Variants in RPRD2 observed in about 807,000 individuals in gnomAD.
The protein encoded by RPRD2 is regulation of nuclear pre-mRNA domain-containing protein 2.
In RPRD2, 12 loss-of-function variants were observed where a neutral mutation model predicts 104.4. The observed-to-expected ratio is 0.11, with a 90% confidence interval of 0.07 to 0.19. The LOEUF is 0.19. Among genes scored for constraint, RPRD2 ranks in the 10% least tolerant of loss-of-function variants. The pLI is 1.00. For missense variants in RPRD2, 1,543 were observed against 1,790.1 expected, an observed-to-expected ratio of 0.86 and a Z score of 2.49; for synonymous variants, 714 against 684.9, an observed-to-expected ratio of 1.04 and a Z score of -0.66.
In RPRD2 at chr1:150,471,785, G is replaced by A; in HGVS notation, c.2837G>A (p.Ser946Asn). The change falls in exon 11 of 11, where the codon AGC becomes AAC. Residue 946 changes from serine to asparagine, a missense_variant. Coordinates refer to ENST00000369068, the MANE Select transcript of RPRD2 (RefSeq NM_015203.5). This position sits in a 1 kb window ranked among gnomAD's most constrained non-coding sequence, Gnocchi z 5.3. ...TTCACCCCTGACTCCAACCACAATA[G>A]CTTGTCTCAATCTACCACTGGGCAT... ...SFFTPDSNHN[S>N]LSQSTTGHLS... 2 of 1,613,890 alleles carry A rather than the reference G, an allele frequency of 1.2e-6. No individual in the cohort carries two copies. The highest frequency in any genetic ancestry group is 1.7e-6 in the Non-Finnish European group (2 of 1,179,888).
intron 2 of RPRD2, among the ~76,000 whole-genome samples, chr1:150,435,676 T>A (rs1391005882): frequency 6.6e-6 from 1 of 152,198 alleles, no homozygotes; most frequent in East Asian, 1.9e-4. Flanking sequence ...GGAAATAGGT[T>A]CATGAGATTT....
chr1:150,415,347 AATTAAT>A (rs1553888374), intron 1 of RPRD2, among the ~76,000 whole-genome samples: 1 of 151,282 alleles, frequency 6.6e-6, no homozygotes, highest in Non-Finnish European at 1.5e-5. Flanking sequence ...TAATAATAAT[AATTAAT>A]AAGTAAATAC....
intron 7 of RPRD2, among the ~76,000 whole-genome samples, chr1:150,452,157 AAAGAGAG>A (rs1464791688): frequency 1.6e-4 from 22 of 141,842 alleles, no homozygotes; most frequent in African/African-American, 5.4e-4. Flanking sequence ...AAAAAAAAAA[AAAGAGAG>A]AGAGAGAAAC....
intron 1 of RPRD2, among the ~76,000 whole-genome samples, chr1:150,384,495 G>GTTATT (rs1560155022): frequency 0.011 from 1,508 of 131,358 alleles, 26 homozygotes; most frequent in African/African-American, 0.039. Context: ...TTATTATTAG[G>GTTATT]GATGGAGCTC....
chr1:150,381,063 C>A (rs2102130336), intron 1 of RPRD2, among the ~76,000 whole-genome samples: 1 of 152,204 alleles, frequency 6.6e-6, no homozygotes, highest in Non-Finnish European at 1.5e-5. Flanking sequence ...AAACTGCTAA[C>A]AACAGATTAT....
chr1:150,436,256 ATTC>A (rs1665983646), intron 2 of RPRD2, among the ~76,000 whole-genome samples: 1 of 152,188 alleles, frequency 6.6e-6, no homozygotes, highest in South Asian at 2.1e-4. Flanking sequence ...CACAACATTT[ATTC>A]TGCCCATGGT....
Position 150,457,581 on chromosome 1 carries a change from A to T in RPRD2, c.1153+11A>T, listed in dbSNP as rs782203579. ...GGTCAAAAATCATTGGTATGTCTTTATGTGATTAATAGACAACTTATTCCT... is the reference window on the plus strand; with the variant it reads ...GGTCAAAAATCATTGGTATGTCTTTTTGTGATTAATAGACAACTTATTCCT... On this transcript the variant is annotated intron_variant, in intron 8 of 10. Coordinates refer to ENST00000369068, the MANE Select transcript of RPRD2 (RefSeq NM_015203.5). 7 of 1,609,840 alleles carry T rather than the reference A, an allele frequency of 4.3e-6. No homozygotes were observed. The highest frequency in any genetic ancestry group is 1.7e-5 in the Admixed American group (1 of 59,952).
chr1:150,435,068 T>C (rs1458389659), intron 2 of RPRD2, among the ~76,000 whole-genome samples: 2 of 152,182 alleles, frequency 1.3e-5, no homozygotes, highest in Non-Finnish European at 2.9e-5. Context: ...TTTGGTAATA[T>C]TTGCAACATT....
At chr1:150,379,603 T>C (rs1660981628) in intron 1 of RPRD2, among the ~76,000 whole-genome samples, 1 of 152,128 alleles carries the variant, frequency 6.6e-6, no homozygotes, top group Non-Finnish European at 1.5e-5. Context: ...GGTTTCTCCA[T>C]GTTGGTCAGG....
chr1:150,373,809 T>C (rs935078728), intron 1 of RPRD2, among the ~76,000 whole-genome samples: 2 of 152,172 alleles, frequency 1.3e-5, no homozygotes, highest in African/African-American at 4.8e-5. Context: ...GGATTGTTTT[T>C]AGAGCCAGGA....
At chr1:150,406,418 T>A (rs1013415343) in intron 1 of RPRD2, among the ~76,000 whole-genome samples, 6 of 152,148 alleles carry the variant, frequency 3.9e-5, no homozygotes, top group Non-Finnish European at 7.4e-5. Flanking sequence ...GTAAAAAAAT[T>A]TTTTTGAGAC....
rs1277300589 is a variant in RPRD2, at chr1:150,396,942, T to TAA, written c.206-20652_206-20651dup. Among the ~76,000 whole-genome samples the TAA allele has an allele frequency of 2.6e-5, 4 of 152,280 alleles. No homozygotes were observed. The South Asian group carries it at 8.3e-4, about 32-fold the overall frequency. ...AATAATGATTACCATAATAAATATA[T>TAA]AAATTCAGCATTATTAAAATTAAAA... is the stretch of plus-strand genomic sequence containing the variant. On this transcript the variant is annotated intron_variant, in intron 1 of 10. Coordinates refer to ENST00000369068, the MANE Select transcript of RPRD2 (RefSeq NM_015203.5).
Position 150,470,923 on chromosome 1 carries a change from C to A in RPRD2, c.1975C>A (p.Leu659Met). Reference sequence around the variant, plus strand: ...ATCTTCAGAGGTCTCCAAGCCAAAGCTGGAGTCAGAGTCCACCTCCCCAAG... The same window carrying A: ...ATCTTCAGAGGTCTCCAAGCCAAAGATGGAGTCAGAGTCCACCTCCCCAAG... ...CQSSEVSKPKLESESTSPSLE... is the reference protein window; with the variant it reads ...CQSSEVSKPKMESESTSPSLE... Residue 659 changes from leucine (L) to methionine (M), a missense_variant, in exon 11 of 11, where the codon CTG becomes ATG. Leu to Met is a conservative substitution (Grantham distance 15). Transcript: ENST00000369068. The A allele has an allele frequency of 6.2e-7, 1 of 1,614,024 alleles. No homozygotes were observed. The highest frequency in any genetic ancestry group is 8.5e-7 in the Non-Finnish European group (1 of 1,179,896).
At chr1:150,464,448 C>G (rs927949650) in intron 9 of RPRD2, 79 bp from the exon 10 acceptor site, 7 of 959,800 alleles carry the variant, frequency 7.3e-6, no homozygotes, top group Non-Finnish European at 9.0e-6. Flanking sequence ...ATATATCAAA[C>G]TCATTGAAGT....
intron 1 of RPRD2, among the ~76,000 whole-genome samples, chr1:150,391,195 C>T (rs1662038390): frequency 6.6e-6 from 1 of 152,152 alleles, no homozygotes; most frequent in Non-Finnish European, 1.5e-5. Context: ...AAACAGCCAT[C>T]AAATTAGAAT....
intron 1 of RPRD2, among the ~76,000 whole-genome samples, chr1:150,413,172 ATAT>A (rs1664069315): frequency 6.6e-6 from 1 of 152,168 alleles, no homozygotes; most frequent in African/African-American, 2.4e-5. Context: ...AAGTTGAGAA[ATAT>A]TATTGGGGAC....
chr1:150,407,826 A>G (rs1327592540), intron 1 of RPRD2, among the ~76,000 whole-genome samples: 1 of 152,204 alleles, frequency 6.6e-6, no homozygotes, highest in Non-Finnish European at 1.5e-5. Flanking sequence ...GTGTCCTTAC[A>G]GTTAAATATT....
At chr1:150,447,021 A>C (rs1256955837) in intron 7 of RPRD2, among the ~76,000 whole-genome samples, 1 of 151,928 alleles carries the variant, frequency 6.6e-6, no homozygotes, top group Non-Finnish European at 1.5e-5. Context: ...TTTTTAGTAG[A>C]GACGAGGTTT....
intron 2 of RPRD2, among the ~76,000 whole-genome samples, chr1:150,418,332 A>T (rs962275026): frequency 1.1e-4 from 16 of 152,144 alleles, no homozygotes; most frequent in Admixed American, 8.5e-4. Context: ...TCCTTACTTG[A>T]CCATGTATGT....
Sources: gnomAD v4.1 joint callset for allele counts (sites outside exome capture counted in the v4.1 genomes callset) on GRCh38, gnomAD v4.1.1 for gene constraint, Gnocchi (gnomAD v3.1) non-coding constraint, MANE v1.5 for transcripts, NCBI Gene and HGNC (gene_info 2026-07-23, HGNC 2026-07-21) for gene names.